Variants in ZEB1 observed in about 807,000 individuals in gnomAD.
The protein encoded by ZEB1 is zinc finger E-box binding homeobox 1, also known as zinc finger E-box-binding homeobox 1.
A neutral mutation model predicts 84.9 loss-of-function variants in ZEB1; 21 were observed. That is an observed-to-expected ratio of 0.25 (90% CI 0.18 to 0.36). The LOEUF (loss-of-function observed/expected upper bound fraction) is 0.36, where lower values mean the gene tolerates loss of function less well. Among genes scored for constraint, ZEB1 ranks in the 10% least tolerant of loss-of-function variants. The pLI, the probability that ZEB1 is intolerant of heterozygous loss-of-function variation, is 1.00. For missense variants in ZEB1, 1,104 were observed against 1,330.2 expected, an observed-to-expected ratio of 0.83 and a Z score of 2.65; for synonymous variants, 420 against 471.1, an observed-to-expected ratio of 0.89 and a Z score of 1.41.
chr10:31,485,636 G>A (rs933883507), intron 2 of ZEB1, among the ~76,000 whole-genome samples: 5 of 151,476 alleles, frequency 3.3e-5, no homozygotes, highest in African/African-American at 1.2e-4. Flanking sequence ...TATTCTTCTG[G>A]ATTTCTACTT....
At chr10:31,453,553 A>G (rs1425709675) in intron 1 of ZEB1, among the ~76,000 whole-genome samples, 2 of 152,294 alleles carry the variant, frequency 1.3e-5, no homozygotes, top group Admixed American at 6.5e-5. Context: ...TGAGACTTTA[A>G]TTACTATAGT....
At chr10:31,455,312 A>G (rs1003799201) in intron 1 of ZEB1, among the ~76,000 whole-genome samples, 20 of 152,332 alleles carry the variant, frequency 1.3e-4, no homozygotes, top group South Asian at 1.2e-3. Flanking sequence ...TGAAAACCCT[A>G]GAAGAAAACC....
intron 2 of ZEB1, among the ~76,000 whole-genome samples, chr10:31,482,012 G>T (rs1278430601): frequency 6.6e-6 from 1 of 151,944 alleles, no homozygotes; most frequent in Admixed American, 6.6e-5. Flanking sequence ...TGAGAAAAAA[G>T]ATTTTTTGCA....
At chr10:31,326,736 T>TA (rs1192018344) in intron 1 of ZEB1, among the ~76,000 whole-genome samples, 1 of 152,230 alleles carries the variant, frequency 6.6e-6, no homozygotes, top group Admixed American at 6.5e-5. Flanking sequence ...AAATTTATTA[T>TA]ACTTAAAACC....
chr10:31,407,051 A>G (rs1305103363), intron 1 of ZEB1, among the ~76,000 whole-genome samples: 6 of 151,214 alleles, frequency 4.0e-5, no homozygotes, highest in South Asian at 2.1e-4. Context: ...CCATTAGTCT[A>G]TATGTTTTGT....
chr10:31,521,528 A>G lies in ZEB1; in HGVS notation c.2196A>G (p.Gln732=). The change falls in exon 7 of 9, where the codon CAA becomes CAG. Residue 732 remains glutamine, a synonymous_variant. Coordinates refer to ENST00000424869, the MANE Select transcript of ZEB1 (RefSeq NM_001174096.2). ...YTAEGAQEEP[Q]VEPLDLSLPK... ...CTGAGGGTGCACAAGAAGAGCCACAAGTAGAACCTCTTGATCTTTCACTAC... is the reference window on the plus strand; with the variant it reads ...CTGAGGGTGCACAAGAAGAGCCACAGGTAGAACCTCTTGATCTTTCACTAC... The G allele has an allele frequency of 1.2e-6, 2 of 1,614,114 alleles. No homozygotes were observed. Among genetic ancestry groups the G allele is most frequent in the South Asian group, 1.1e-5 (1 of 91,078 alleles).
At chr10:31,372,444 C>T (rs986065740) in intron 1 of ZEB1, among the ~76,000 whole-genome samples, 6 of 151,638 alleles carry the variant, frequency 4.0e-5, no homozygotes, top group East Asian at 1.9e-4. Context: ...GAAGAGTAGC[C>T]GTAAGAATCA....
At position 31,494,864 on chromosome 10, in the gene ZEB1, C is replaced by T. The variant is rs143724220; in HGVS notation, c.260-912C>T. Among the ~76,000 whole-genome samples the T allele has an allele frequency of 5.1e-4, 78 of 151,860 alleles. No individual in the cohort carries two copies. The East Asian group carries it at 0.013, about 26-fold the overall frequency. ...TTCTGAACCTATGCTGTATGATAGC[C>T]CACTATAAATGTAGAGGTAGCAAGG... On this transcript the variant is annotated intron_variant, in intron 2 of 8. Transcript: ENST00000424869.
intron 1 of ZEB1, among the ~76,000 whole-genome samples, chr10:31,437,033 ACAT>A (rs2058375055): frequency 6.6e-6 from 1 of 152,158 alleles, no homozygotes. Flanking sequence ...GTAAAACAAA[ACAT>A]CAGGATTTTT....
intron 1 of ZEB1, among the ~76,000 whole-genome samples, chr10:31,459,209 T>G (rs1205373553): frequency 2.0e-5 from 3 of 152,268 alleles, no homozygotes; most frequent in Non-Finnish European, 4.4e-5. Flanking sequence ...AGGGACTGTC[T>G]GTACTGACAT....
intron 1 of ZEB1, among the ~76,000 whole-genome samples, chr10:31,373,927 C>G (rs541547128): frequency 6.6e-6 from 1 of 151,470 alleles, no homozygotes; most frequent in Non-Finnish European, 1.5e-5. Context: ...TATTTTTCTC[C>G]TGAATATATT....
chr10:31,380,612 A>G, intron 1 of ZEB1, among the ~76,000 whole-genome samples: 1 of 152,076 alleles, frequency 6.6e-6, no homozygotes, highest in Non-Finnish European at 1.5e-5. Flanking sequence ...TAAATCTGCC[A>G]CCCCTTACAC....
intron 1 of ZEB1, among the ~76,000 whole-genome samples, chr10:31,435,802 T>TA (rs2058228190): frequency 6.6e-6 from 1 of 152,166 alleles, no homozygotes; most frequent in Non-Finnish European, 1.5e-5. Context: ...AGGAGAGTGA[T>TA]ACATTTTGCT....
intron 1 of ZEB1, among the ~76,000 whole-genome samples, chr10:31,349,593 T>G (rs2040953348): frequency 6.6e-6 from 1 of 152,142 alleles, no homozygotes; most frequent in African/African-American, 2.4e-5. Context: ...TTCTGTTTCA[T>G]CTTTTTGATA....
intron 6 of ZEB1, among the ~76,000 whole-genome samples, chr10:31,515,482 A>T (rs2070904741): frequency 6.6e-6 from 1 of 152,116 alleles, no homozygotes; most frequent in Non-Finnish European, 1.5e-5. Flanking sequence ...AAAATTATTA[A>T]CCATGAATGG....
chr10:31,475,372 A>C (rs220037), intron 2 of ZEB1, among the ~76,000 whole-genome samples: 11,873 of 152,246 alleles, frequency 0.078, 660 homozygotes, highest in African/African-American at 0.16. Flanking sequence ...TTGGAAAAAT[A>C]TTTGAGGGGA....
At chr10:31,432,315 A>AT (rs1395365928) in intron 1 of ZEB1, among the ~76,000 whole-genome samples, 3 of 152,214 alleles carry the variant, frequency 2.0e-5, no homozygotes, top group Admixed American at 2.0e-4. Flanking sequence ...AAGGATAGAC[A>AT]TGGTGGCTCA....
chr10:31,439,819 A>T (rs2058707593), intron 1 of ZEB1, among the ~76,000 whole-genome samples: 1 of 152,178 alleles, frequency 6.6e-6, no homozygotes, highest in Admixed American at 6.5e-5. Context: ...GTAAAGTAGA[A>T]GACAAAGTCT....
At chr10:31,471,548 C>G (rs1233765253) in intron 2 of ZEB1, among the ~76,000 whole-genome samples, 5 of 145,248 alleles carry the variant, frequency 3.4e-5, no homozygotes, top group Non-Finnish European at 7.6e-5. Context: ...CAGGAGCACC[C>G]AGATTCATAA....
Sources: gnomAD v4.1 joint callset for allele counts (sites outside exome capture counted in the v4.1 genomes callset) on GRCh38, gnomAD v4.1.1 for gene constraint, MANE v1.5 for transcripts, NCBI Gene and HGNC (gene_info 2026-07-23, HGNC 2026-07-21) for gene names.